The following MYLK variants were observed in gnomAD, a reference collection of about 807,000 sequenced individuals.
The protein encoded by MYLK is myosin light chain kinase, smooth muscle.
A neutral mutation model predicts 203.4 loss-of-function variants in MYLK; 106 were observed. That is an observed-to-expected ratio of 0.52 (90% confidence interval 0.45 to 0.61). The LOEUF (loss-of-function observed/expected upper bound fraction) is 0.61, where lower values mean the gene tolerates loss of function less well. Ranked by LOEUF, MYLK falls within the 20% of genes least tolerant of loss-of-function variation. The probability of loss-of-function intolerance (pLI) is 0.00; values close to 1 mark genes in which losing one functional copy is unlikely to be tolerated. For missense variants in MYLK, 2,072 were observed against 2,442.3 expected, an observed-to-expected ratio of 0.85 and a Z score of 3.20; for synonymous variants, 867 against 959.5, an observed-to-expected ratio of 0.90 and a Z score of 1.78.
At chr3:123,671,369 T>C (rs2059907312) in intron 20 of MYLK, among the ~76,000 whole-genome samples, 1 of 152,094 alleles carries the variant, frequency 6.6e-6, no homozygotes, top group African/African-American at 2.4e-5. Context: ...GGAAAGAGAA[T>C]GCAATGAAAG....
At chr3:123,637,574 CA>C (rs2058685903) in intron 29 of MYLK, among the ~76,000 whole-genome samples, 1 of 152,164 alleles carries the variant, frequency 6.6e-6, no homozygotes, top group African/African-American at 2.4e-5. Flanking sequence ...GCTCGATCAT[CA>C]ATAGTGTTTA....
chr3:123,629,521 G>A lies in MYLK; in HGVS notation c.5067C>T (p.Ser1689=), dbSNP rs368571172. 7.9e-5 allele frequency: 128 copies of A among 1,614,138 alleles called. No homozygotes were observed. Among genetic ancestry groups the A allele is most frequent in the Middle Eastern group, 1.6e-4 (1 of 6,062 alleles). ...DFDDEAFDEI[S]DDAKDFISNL... ...TGCTGATGAAATCCTTGGCATCGTC[G>A]GAGATCTCATCGAATGCCTCGTCGT... is the stretch of plus-strand genomic sequence containing the variant. Residue 1689 remains serine (S), a synonymous_variant, in exon 30 of 34, where the codon TCC becomes TCT. Transcript: ENST00000360304. This position sits in a 1 kb window ranked among gnomAD's most constrained non-coding sequence, Gnocchi z 4.4.
intron 3 of MYLK, among the ~76,000 whole-genome samples, chr3:123,818,421 A>C (rs2065816481): frequency 6.6e-6 from 1 of 152,086 alleles, no homozygotes; most frequent in Admixed American, 6.6e-5. Flanking sequence ...GAACACAACC[A>C]CAGGGAACCT....
rs1407834030 is a variant in MYLK at position 123,725,987 on chromosome 3, G to A, written c.1608C>T (p.Ser536=). 8 of 1,614,052 alleles carry A rather than the reference G, an allele frequency of 5.0e-6. No homozygotes were observed. Among genetic ancestry groups the A allele is most frequent in the African/African-American group, 2.7e-5 (2 of 74,936 alleles). The change falls in exon 12 of 34, where the codon TCC becomes TCT. Residue 536 remains serine, a synonymous_variant. Coordinates refer to ENST00000360304, the MANE Select transcript of MYLK (RefSeq NM_053025.4). ...TCCGGGGCACTGGGGTCCCCCGTAC[G>A]GAGCACTGCAGCACAAAATCCTGGC... ...IEGQDFVLQC[S]VRGTPVPRIT...
At chr3:123,870,899 C>G (rs2032736844) in intron 2 of MYLK, among the ~76,000 whole-genome samples, 1 of 152,126 alleles carries the variant, frequency 6.6e-6, no homozygotes, top group African/African-American at 2.4e-5. Flanking sequence ...AGGAGAGAAC[C>G]CTTTCATCCA....
At chr3:123,712,487 G>T (rs2061734791) in intron 13 of MYLK, among the ~76,000 whole-genome samples, 1 of 152,218 alleles carries the variant, frequency 6.6e-6, no homozygotes, top group Non-Finnish European at 1.5e-5. Context: ...TAAGCCTGTG[G>T]CAGTCTCCTC....
At chr3:123,727,254 C>G (rs922149809) in intron 11 of MYLK, among the ~76,000 whole-genome samples, 1 of 152,158 alleles carries the variant, frequency 6.6e-6, no homozygotes, top group Non-Finnish European at 1.5e-5. Flanking sequence ...CCTGGACAGG[C>G]CTGGCACTGA....
At chr3:123,838,678 C>T (rs904845265) in intron 2 of MYLK, among the ~76,000 whole-genome samples, 21 of 151,988 alleles carry the variant, frequency 1.4e-4, no homozygotes, top group East Asian at 7.7e-4. Context: ...TTATACCATA[C>T]GTGAAGTGAT....
At position 123,648,334 on chromosome 3, in the gene MYLK, G is replaced by A. The variant is rs144929161; in HGVS notation, c.4415+637C>T. Among the ~76,000 whole-genome samples, 1 of 152,334 alleles carries A rather than the reference G, an allele frequency of 6.6e-6. No individual in the cohort carries two copies. The highest frequency in any genetic ancestry group is 1.9e-4 in the East Asian group (1 of 5,178). ...AAGTTCATGAGGGAGCTTGATGACTGCTGCGCGTTTAATGGAGCACTAACG... is the reference window on the plus strand; with the variant it reads ...AAGTTCATGAGGGAGCTTGATGACTACTGCGCGTTTAATGGAGCACTAACG... On this transcript the variant is annotated intron_variant, in intron 26 of 33. Coordinates refer to ENST00000360304, the MANE Select transcript of MYLK (RefSeq NM_053025.4). The surrounding 1 kb of genome is among the most constrained non-coding windows in gnomAD (Gnocchi z 4.5).
chr3:123,707,238 G>T (rs1404367378), intron 16 of MYLK, among the ~76,000 whole-genome samples: 1 of 152,230 alleles, frequency 6.6e-6, no homozygotes, highest in Non-Finnish European at 1.5e-5. Flanking sequence ...CCACAGTCAC[G>T]GGAGTGAGCC....
At chr3:123,698,448 C>T (rs1183022313) in intron 18 of MYLK, among the ~76,000 whole-genome samples, 1 of 152,076 alleles carries the variant, frequency 6.6e-6, no homozygotes, top group African/African-American at 2.4e-5. Context: ...GGGAAATGTT[C>T]CCAGTCAGGG....
intron 6 of MYLK, 123 bp downstream of exon 6, chr3:123,739,830 T>C: frequency 2.8e-6 from 3 of 1,079,556 alleles, no homozygotes; most frequent in South Asian, 1.3e-5. Context: ...CTCATTGTAC[T>C]AGGCTCCCGC....
chr3:123,626,689 G>T, intron 31 of MYLK, 129 bp downstream of exon 31: 1 of 1,364,338 alleles, frequency 7.3e-7, no homozygotes, highest in Non-Finnish European at 1.0e-6. Context: ...GCCTAAATTG[G>T]TCCCAGACTA....
intron 24 of MYLK, among the ~76,000 whole-genome samples, chr3:123,654,433 G>C (rs1257118862): frequency 6.6e-6 from 1 of 152,116 alleles, no homozygotes; most frequent in African/African-American, 2.4e-5. Flanking sequence ...TGCCAGGCCT[G>C]CTCGCTTTCT....
chr3:123,724,965 G>A (rs772554740), intron 12 of MYLK, among the ~76,000 whole-genome samples: 4 of 151,970 alleles, frequency 2.6e-5, no homozygotes, highest in East Asian at 1.9e-4. Flanking sequence ...GGCTGGTCTC[G>A]AACTCCTGAC....
At chr3:123,798,168 C>T (rs1324102285) in intron 3 of MYLK, among the ~76,000 whole-genome samples, 1 of 152,176 alleles carries the variant, frequency 6.6e-6, no homozygotes, top group Non-Finnish European at 1.5e-5. Context: ...CACCCCTTCA[C>T]AAATGAAGAC....
At chr3:123,834,067 C>A (rs533426621) in intron 2 of MYLK, among the ~76,000 whole-genome samples, 22 of 152,220 alleles carry the variant, frequency 1.4e-4, no homozygotes, top group Admixed American at 9.8e-4. Flanking sequence ...TTCTTGGAGA[C>A]AGATCTTGCT....
intron 23 of MYLK, among the ~76,000 whole-genome samples, chr3:123,662,746 A>G (rs2108312825): frequency 6.6e-6 from 1 of 152,302 alleles, no homozygotes; most frequent in South Asian, 2.1e-4. Context: ...AGGAAAGGCT[A>G]GTTTGCAGGA....
intron 24 of MYLK, among the ~76,000 whole-genome samples, chr3:123,653,895 A>G (rs1444915828): frequency 6.6e-6 from 1 of 151,984 alleles, no homozygotes; most frequent in Non-Finnish European, 1.5e-5. Context: ...CACTTTTCCA[A>G]GTAACATCCT....
Sources: allele counts gnomAD v4.1 joint callset (sites outside exome capture counted in the v4.1 genomes callset), GRCh38; gene constraint gnomAD v4.1.1; non-coding constraint Gnocchi (gnomAD v3.1); transcripts MANE v1.5; gene names NCBI Gene and HGNC (gene_info 2026-07-23, HGNC 2026-07-21).